Variants in RARS2 observed in about 807,000 individuals in gnomAD.
The protein encoded by RARS2 is probable arginine--tRNA ligase, mitochondrial.
RARS2 carries 67 observed loss-of-function variants against 88.5 expected under a neutral mutation model. The observed-to-expected ratio is 0.76, with a 90% CI of 0.62 to 0.93. The LOEUF (loss-of-function observed/expected upper bound fraction) is 0.93. Among genes scored for constraint, RARS2 ranks in the 40% least tolerant of loss-of-function variants. The pLI, the probability that RARS2 is intolerant of heterozygous loss-of-function variation, is 0.00. For synonymous variants in RARS2, 239 were observed against 230.3 expected (o/e 1.04, Z -0.34); for missense variants, 664 against 684.2 (o/e 0.97, Z 0.33).
chr6:87,524,435 A>T, intron 11 of RARS2, 122 bp downstream of exon 11: 1 of 828,860 alleles, frequency 1.2e-6, no homozygotes, highest in Non-Finnish European at 2.1e-6. Context: ...CTTCAGTTTT[A>T]CAGTTTATAG....
At chr6:87,563,160 G>C (rs1788392370) in intron 3 of RARS2, among the ~76,000 whole-genome samples, 1 of 152,012 alleles carries the variant, frequency 6.6e-6, no homozygotes, top group Non-Finnish European at 1.5e-5. Context: ...ATTCTGTCAG[G>C]GTCTACGCTA....
chr6:87,584,242 G>A (rs1321330459), intron 1 of RARS2, among the ~76,000 whole-genome samples: 5 of 152,160 alleles, frequency 3.3e-5, no homozygotes, highest in Non-Finnish European at 7.3e-5. Context: ...AAAATATGTT[G>A]ATACTGTGGC....
At chr6:87,546,296 C>G (rs1401326421) in intron 6 of RARS2, among the ~76,000 whole-genome samples, 1 of 152,142 alleles carries the variant, frequency 6.6e-6, no homozygotes, top group Non-Finnish European at 1.5e-5. Flanking sequence ...GTACAATTCC[C>G]AGAGTCTCCT....
intron 17 of RARS2, among the ~76,000 whole-genome samples, 176 bp from the exon 18 acceptor site, chr6:87,517,056 A>C (rs191088034): frequency 2.0e-5 from 3 of 152,302 alleles, no homozygotes; most frequent in Non-Finnish European, 4.4e-5. Flanking sequence ...AGGTGGGTGG[A>C]TCATGAGGTC....
intron 17 of RARS2, among the ~76,000 whole-genome samples, chr6:87,517,757 T>C (rs774783761): frequency 1.3e-5 from 2 of 152,166 alleles, no homozygotes; most frequent in Admixed American, 6.5e-5. Flanking sequence ...GTATTTGAGA[T>C]TGTGAACCGA....
At chr6:87,539,481 C>A (rs988430988) in intron 8 of RARS2, among the ~76,000 whole-genome samples, 1 of 152,236 alleles carries the variant, frequency 6.6e-6, no homozygotes, top group African/African-American at 2.4e-5. Flanking sequence ...TCCAAGCAAG[C>A]ATTAGGTGAC....
chr6:87,538,899 T>A (rs1183359734), intron 8 of RARS2, among the ~76,000 whole-genome samples: 1 of 151,982 alleles, frequency 6.6e-6, no homozygotes, highest in East Asian at 1.9e-4. Context: ...TTGGGTGTGC[T>A]GGTGTGTGCT....
intron 4 of RARS2, 52 bp downstream of exon 4, chr6:87,562,650 G>A (rs374435502): frequency 4.7e-5 from 65 of 1,370,958 alleles, no homozygotes; most frequent in African/African-American, 3.6e-4. Context: ...GACCACTGTG[G>A]CTGAAGCAGA....
intron 1 of RARS2, among the ~76,000 whole-genome samples, chr6:87,580,212 G>C (rs1773052614): frequency 6.6e-6 from 1 of 152,096 alleles, no homozygotes; most frequent in South Asian, 2.1e-4. Flanking sequence ...TTCGGGTAGG[G>C]CTGTTTCACC....
At chr6:87,585,637 T>C (rs1774913701) in intron 1 of RARS2, among the ~76,000 whole-genome samples, 1 of 151,804 alleles carries the variant, frequency 6.6e-6, no homozygotes, top group Non-Finnish European at 1.5e-5. Flanking sequence ...GAGGCTGAGG[T>C]GGGAGAATGG....
At chr6:87,520,963 T>A (rs566975096) in intron 12 of RARS2, among the ~76,000 whole-genome samples, 1 of 152,176 alleles carries the variant, frequency 6.6e-6, no homozygotes, top group Non-Finnish European at 1.5e-5. Flanking sequence ...TAAAGTCTCA[T>A]AAAACCATAG....
chr6:87,539,533 T>C (rs1297568603), intron 8 of RARS2, among the ~76,000 whole-genome samples: 1 of 152,240 alleles, frequency 6.6e-6, no homozygotes, highest in African/African-American at 2.4e-5. Context: ...TTTACCTTTC[T>C]CAGCATTTCA....
At chr6:87,581,468 A>G (rs377092469) in intron 1 of RARS2, among the ~76,000 whole-genome samples, 2 of 152,202 alleles carry the variant, frequency 1.3e-5, no homozygotes, top group African/African-American at 4.8e-5. Flanking sequence ...AATTTTCCTC[A>G]GGAACAGGTC....
At chr6:87,579,983 C>T (rs935215027) in intron 1 of RARS2, among the ~76,000 whole-genome samples, 1 of 152,026 alleles carries the variant, frequency 6.6e-6, no homozygotes, top group Non-Finnish European at 1.5e-5. Context: ...TCGTGATCCA[C>T]CCGCCTCCAC....
chr6:87,557,930 C>A (rs574864841), intron 4 of RARS2, among the ~76,000 whole-genome samples: 1 of 152,284 alleles, frequency 6.6e-6, no homozygotes, highest in East Asian at 1.9e-4. Context: ...AATCCCAGCA[C>A]TTTGGGAGGC....
chr6:87,555,062 C>CCACTG (rs1283353541), intron 5 of RARS2, among the ~76,000 whole-genome samples: 1 of 151,156 alleles, frequency 6.6e-6, no homozygotes, highest in Non-Finnish European at 1.5e-5. Flanking sequence ...TGAGATCTCG[C>CCACTG]CACTCCAGCC....
intron 1 of RARS2, among the ~76,000 whole-genome samples, chr6:87,575,161 G>C (rs1251157210): frequency 6.6e-6 from 1 of 150,898 alleles, no homozygotes; most frequent in African/African-American, 2.4e-5. Context: ...AGCCTTATTT[G>C]GCAGGGCTCC....
chr6:87,562,886 C>G (rs1788281442), intron 3 of RARS2, 101 bp from the exon 4 acceptor site: 19 of 850,576 alleles, frequency 2.2e-5, no homozygotes, highest in Non-Finnish European at 3.6e-5. Flanking sequence ...ACAAGTAAGT[C>G]ATCTTTCATG....
intron 4 of RARS2, among the ~76,000 whole-genome samples, chr6:87,561,295 C>T (rs1234265971): frequency 6.6e-6 from 1 of 152,136 alleles, no homozygotes; most frequent in East Asian, 1.9e-4. Context: ...ATTTTGTTCC[C>T]AACTAGCTGC....
Sources: gnomAD v4.1 joint callset for allele counts (sites outside exome capture counted in the v4.1 genomes callset) on GRCh38, gnomAD v4.1.1 for gene constraint, MANE v1.5 for transcripts, NCBI Gene and HGNC (gene_info 2026-07-23, HGNC 2026-07-21) for gene names.